MKLN1: variants seen among roughly 807,000 people sequenced by gnomAD.
MKLN1 encodes the protein muskelin.
MKLN1 carries 18 observed loss-of-function variants against 99.0 expected under a neutral mutation model. That is an observed-to-expected ratio of 0.18 (90% confidence interval 0.13 to 0.27). MKLN1 has a LOEUF of 0.27. MKLN1 is among the 10% of genes least tolerant of loss of function. The pLI, the probability that MKLN1 is intolerant of heterozygous loss-of-function variation, is 1.00. For missense variants in MKLN1, 621 were observed against 875.9 expected (o/e 0.71, Z 3.67); for synonymous variants, 288 against 293.2 (o/e 0.98, Z 0.18).
At chr7:131,419,228 G>GTA (rs369597167) in intron 8 of MKLN1, among the ~76,000 whole-genome samples, 2,136 of 132,622 alleles carry the variant, frequency 0.016, 35 homozygotes, top group African/African-American at 0.041. Context: ...ATATATATAT[G>GTA]TATATATATA....
intron 3 of MKLN1, among the ~76,000 whole-genome samples, chr7:131,225,173 A>C (rs957301350): frequency 6.6e-6 from 1 of 152,156 alleles, no homozygotes; most frequent in African/African-American, 2.4e-5. Flanking sequence ...GCTCATGAAC[A>C]TGTGGAATTT....
At chr7:131,461,359 A>T (rs1796510257) in intron 12 of MKLN1, among the ~76,000 whole-genome samples, 1 of 151,898 alleles carries the variant, frequency 6.6e-6, no homozygotes, top group African/African-American at 2.4e-5. Flanking sequence ...TACACTAAAG[A>T]CTGTGGCATG....
intron 2 of MKLN1, among the ~76,000 whole-genome samples, chr7:131,160,364 G>A (rs1284134384): frequency 6.6e-6 from 1 of 151,888 alleles, no homozygotes; most frequent in Non-Finnish European, 1.5e-5. Context: ...TGTAAATAAT[G>A]CTGCTGTGTA....
At chr7:131,227,581 T>C (rs1299682420) in intron 3 of MKLN1, among the ~76,000 whole-genome samples, 1 of 151,190 alleles carries the variant, frequency 6.6e-6, no homozygotes, top group Non-Finnish European at 1.5e-5. Context: ...TTTCTTTTTT[T>C]TTGAGACAGA....
At chr7:131,330,849 G>A (rs1341601358) in intron 1 of MKLN1, among the ~76,000 whole-genome samples, 2 of 152,018 alleles carry the variant, frequency 1.3e-5, no homozygotes, top group African/African-American at 4.8e-5. Flanking sequence ...CTTTAAAAAT[G>A]TTAAAGCAGA....
chr7:131,414,659 A>G lies in MKLN1; in HGVS notation c.796A>G (p.Asn266Asp), dbSNP rs768689446. 1 of 1,609,364 alleles carries G rather than the reference A, an allele frequency of 6.2e-7. No homozygotes were observed. The highest frequency in any genetic ancestry group is 2.2e-5 in the East Asian group (1 of 44,628). ...PKSTKGDGED[N>D]RPGMRGGHQM... ...TTCTTCTAAAGGTGATGGGGAAGATAACCGTCCAGGAATGAGAGGAGGCCA... is the reference window on the plus strand; with the variant it reads ...TTCTTCTAAAGGTGATGGGGAAGATGACCGTCCAGGAATGAGAGGAGGCCA... The change falls in exon 8 of 18, where the codon AAC (asparagine) becomes GAC (aspartate). Residue 266 changes from asparagine (N) to aspartate (D), a missense_variant. Coordinates refer to ENST00000352689, the MANE Select transcript of MKLN1 (RefSeq NM_013255.5).
intron 3 of MKLN1, among the ~76,000 whole-genome samples, chr7:131,231,300 G>A (rs940407035): frequency 3.3e-5 from 5 of 152,050 alleles, no homozygotes; most frequent in Non-Finnish European, 7.4e-5. Flanking sequence ...GTACATGGCT[G>A]TCAAAAGATA....
chr7:131,413,916 T>A (rs1794946312), intron 7 of MKLN1, among the ~76,000 whole-genome samples: 1 of 152,188 alleles, frequency 6.6e-6, no homozygotes, highest in Non-Finnish European at 1.5e-5. Context: ...TTTGGAAGTT[T>A]AAATAAAGTT....
chr7:131,218,792 G>A lies in MKLN1; in HGVS notation c.-179+15818G>A, dbSNP rs79097575. Reference sequence around the variant, plus strand: ...TCTCTGACCTTCCAACCTTCCCCCCGACCCCCGACCTCTACCAAAGAAATT... The same window carrying A: ...TCTCTGACCTTCCAACCTTCCCCCCAACCCCCGACCTCTACCAAAGAAATT... On this transcript the variant is annotated intron_variant, in intron 3 of 7. Transcript: ENST00000416992. 1.5e-3 allele frequency among the ~76,000 whole-genome samples: 231 copies of A among 151,980 alleles called. 2 individuals carry two copies. Among genetic ancestry groups the A allele is most frequent in the African/African-American group, 5.1e-3 (211 of 41,432 alleles).
intron 3 of MKLN1, among the ~76,000 whole-genome samples, chr7:131,314,437 T>G (rs1348384336): frequency 6.6e-6 from 1 of 152,138 alleles, no homozygotes; most frequent in Non-Finnish European, 1.5e-5. Context: ...GTTTGTTTGT[T>G]TTTGAGATGG....
At chr7:131,423,557 C>G (rs1026259048) in intron 8 of MKLN1, among the ~76,000 whole-genome samples, 1 of 152,192 alleles carries the variant, frequency 6.6e-6, no homozygotes, top group African/African-American at 2.4e-5. Context: ...GTCTCGAACT[C>G]CCGACCTCAG....
chr7:131,303,070 C>T (rs957033023), intron 3 of MKLN1, among the ~76,000 whole-genome samples: 7 of 152,148 alleles, frequency 4.6e-5, no homozygotes, highest in Non-Finnish European at 1.0e-4. Context: ...ATACATGTTT[C>T]AAGGTCACAG....
At chr7:131,454,060 CTTT>C (rs5887505) in intron 12 of MKLN1, among the ~76,000 whole-genome samples, 1 of 139,518 alleles carries the variant, frequency 7.2e-6, no homozygotes. Context: ...TTGGTACAGC[CTTT>C]TTTTTTTTTT....
At chr7:131,224,605 G>A (rs1797113101) in intron 3 of MKLN1, among the ~76,000 whole-genome samples, 1 of 152,064 alleles carries the variant, frequency 6.6e-6, no homozygotes, top group Admixed American at 6.5e-5. Flanking sequence ...AGCAGGGCAT[G>A]GTGGCATGTG....
At chr7:131,133,641 C>T (rs944816077) in intron 1 of MKLN1, among the ~76,000 whole-genome samples, 3 of 151,292 alleles carry the variant, frequency 2.0e-5, no homozygotes, top group Non-Finnish European at 3.0e-5. Flanking sequence ...CGTGAGCCAC[C>T]GCGCCCAGCC....
chr7:131,137,527 G>A (rs1795666581), intron 1 of MKLN1, among the ~76,000 whole-genome samples: 3 of 152,106 alleles, frequency 2.0e-5, no homozygotes, highest in Admixed American at 6.6e-5. Flanking sequence ...TTCTAGATTT[G>A]TGAGAGAGAT....
At chr7:131,398,550 T>G (rs1794428861) in intron 5 of MKLN1, among the ~76,000 whole-genome samples, 1 of 152,178 alleles carries the variant, frequency 6.6e-6, no homozygotes, top group South Asian at 2.1e-4. Flanking sequence ...AAAAATTAGC[T>G]GGGCGTGGTA....
chr7:131,475,598 G>C (rs1796942792), intron 16 of MKLN1, among the ~76,000 whole-genome samples: 2 of 152,282 alleles, frequency 1.3e-5, no homozygotes, highest in African/African-American at 4.8e-5. Context: ...GATCGCCTGA[G>C]CCCATGAGTT....
In MKLN1 at chr7:131,490,445, T is replaced by C. The variant is rs1384093674; in HGVS notation, c.*2717T>C. The C allele has an allele frequency of 6.6e-6, 1 of 152,602 alleles. No individual in the cohort carries two copies. The highest frequency in any genetic ancestry group is 1.5e-5 in the Non-Finnish European group (1 of 68,004). 9.5% of individuals were successfully genotyped at this position (152,602 alleles called of 1,614,324 possible). ...GAAATAATCTGATTTTCAAGACACC[T>C]CTTAAGTGCATTTGCATTTTATTTT... On this transcript the variant is annotated 3_prime_UTR_variant, in exon 18 of 18. Transcript: ENST00000352689.
Sources: allele counts gnomAD v4.1 joint callset (sites outside exome capture counted in the v4.1 genomes callset), GRCh38; gene constraint gnomAD v4.1.1; transcripts MANE v1.5; gene names NCBI Gene and HGNC (gene_info 2026-07-23, HGNC 2026-07-21).